The following SNX30 variants were observed in gnomAD, a reference collection of about 807,000 sequenced individuals.
SNX30 encodes the protein sorting nexin family member 30, also known as sorting nexin-30.
In SNX30, 24 loss-of-function variants were observed where a neutral mutation model predicts 46.4. That is an observed-to-expected ratio of 0.52 (90% confidence interval 0.37 to 0.73). The LOEUF (loss-of-function observed/expected upper bound fraction) is 0.73, where lower values mean the gene tolerates loss of function less well. Ranked by LOEUF, SNX30 falls within the 30% of genes least tolerant of loss-of-function variation. The pLI is 0.00. For missense variants in SNX30, 533 were observed against 555.7 expected, an observed-to-expected ratio of 0.96 and a Z score of 0.41; for synonymous variants, 189 against 211.5, an observed-to-expected ratio of 0.89 and a Z score of 0.92.
At chr9:112,883,692 TTTC>T (rs1037466407), downstream of SNX30, among the ~76,000 whole-genome samples, 3 of 115,846 alleles carry the variant, frequency 2.6e-5, no homozygotes, top group African/African-American at 9.9e-5. Context: ...TTTTTTCTTT[TTTC>T]TTTTCTTTTT....
At chr9:112,752,399 C>T (rs1374702669) in intron 1 of SNX30, among the ~76,000 whole-genome samples, 2 of 152,110 alleles carry the variant, frequency 1.3e-5, no homozygotes, top group Non-Finnish European at 2.9e-5. Flanking sequence ...GATGATTGCT[C>T]TGAACCAAAA....
chr9:112,807,253 A>T (rs1840243438), intron 2 of SNX30, among the ~76,000 whole-genome samples: 1 of 151,646 alleles, frequency 6.6e-6, no homozygotes, highest in Non-Finnish European at 1.5e-5. Flanking sequence ...TTTAGTAGAG[A>T]TGAGGTTTTA....
At chr9:112,789,137 G>C (rs934160170) in intron 1 of SNX30, among the ~76,000 whole-genome samples, 4 of 152,062 alleles carry the variant, frequency 2.6e-5, no homozygotes, top group Non-Finnish European at 5.9e-5. Flanking sequence ...CTCTTTGTTC[G>C]TGCCCTCTGG....
rs1042366837 is a variant in SNX30 at position 112,870,500 on chromosome 9, A to C, written c.*1657A>C. ...TTGTGTTTGACAATGTTGCAGTTTAAATGATAATGTTTAAATCAATTGGTA... is the reference window on the plus strand; with the variant it reads ...TTGTGTTTGACAATGTTGCAGTTTACATGATAATGTTTAAATCAATTGGTA... On this transcript the variant is annotated 3_prime_UTR_variant, in exon 9 of 9. Coordinates refer to ENST00000374232, the MANE Select transcript of SNX30 (RefSeq NM_001012994.2). 6.6e-6 allele frequency: 1 copy of C among 152,220 alleles called. No individual in the cohort carries two copies. Among genetic ancestry groups the C allele is most frequent in the Admixed American group, 6.5e-5 (1 of 15,286 alleles). The allele number at this position is 152,220 out of a possible 1,614,324, so 9.4% of individuals were successfully genotyped here.
rs1839264304 is a variant in SNX30 at position 112,750,970 on chromosome 9, G to A, written c.-32G>A. On this transcript the variant is annotated 5_prime_UTR_variant, in exon 1 of 9. Transcript: ENST00000374232. ...TCGCCGCGGCGGGCAGCAGGAGGAAGCGGCGGCGGCGCGTCCCGAGCGGTG... is the reference window on the plus strand; with the variant it reads ...TCGCCGCGGCGGGCAGCAGGAGGAAACGGCGGCGGCGCGTCCCGAGCGGTG... 5.8e-6 allele frequency: 7 copies of A among 1,213,552 alleles called. No individual in the cohort carries two copies. The South Asian group carries it at 2.0e-4, about 35-fold the overall frequency. 75.2% of individuals were successfully genotyped at this position (1,213,552 alleles called of 1,614,324 possible). A position where few individuals can be genotyped will look rare whatever the true frequency, so the allele number is the denominator to read the frequency against.
Position 112,874,403 on chromosome 9 carries a change from C to T in SNX30, c.*5560C>T, listed in dbSNP as rs1165945844. 1 of 152,124 alleles carries T rather than the reference C, an allele frequency of 6.6e-6. No homozygotes were observed. The highest frequency in any genetic ancestry group is 1.9e-4 in the East Asian group (1 of 5,200). The allele number at this position is 152,124 out of a possible 1,614,324, so 9.4% of individuals were successfully genotyped here. A position where few individuals can be genotyped will look rare whatever the true frequency, so the allele number is the denominator to read the frequency against. ...TGATATATTCCTGTGAAATAAACTG[C>T]CAGCAAACTTTCTAACTTGTATTTT... On this transcript the variant is annotated 3_prime_UTR_variant, in exon 9 of 9. Coordinates refer to ENST00000374232, the MANE Select transcript of SNX30 (RefSeq NM_001012994.2).
intron 7 of SNX30, among the ~76,000 whole-genome samples, chr9:112,855,410 C>T (rs1588139857): frequency 6.6e-6 from 1 of 152,128 alleles, no homozygotes; most frequent in Non-Finnish European, 1.5e-5. Context: ...GGGGGCTTAC[C>T]TCGTTATCAG....
At chr9:112,815,962 G>A (rs535002330) in intron 2 of SNX30, among the ~76,000 whole-genome samples, 1 of 152,298 alleles carries the variant, frequency 6.6e-6, no homozygotes, top group South Asian at 2.1e-4. Context: ...TCCTGCCTCA[G>A]CCTCTGAGTA....
intron 1 of SNX30, among the ~76,000 whole-genome samples, chr9:112,759,379 CTTGATCCTG>C (rs1000607866): frequency 2.6e-5 from 4 of 152,224 alleles, no homozygotes; most frequent in South Asian, 2.1e-4. Flanking sequence ...GTAGGTAACA[CTTGATCCTG>C]TTGTTAACCT....
intron 1 of SNX30, among the ~76,000 whole-genome samples, chr9:112,786,270 A>C (rs796754471): frequency 5.9e-5 from 9 of 152,066 alleles, no homozygotes; most frequent in African/African-American, 1.9e-4. Context: ...GCCGTGCACC[A>C]TCACGCTCTG....
chr9:112,832,480 G>A (rs1840678250), intron 4 of SNX30, among the ~76,000 whole-genome samples: 1 of 139,490 alleles, frequency 7.2e-6, no homozygotes, highest in African/African-American at 3.0e-5. Flanking sequence ...GTGTGTGTGT[G>A]TGTGTGTGTG....
Position 112,830,827 on chromosome 9 carries a change from A to G in SNX30, c.562A>G (p.Thr188Ala), listed in dbSNP as rs544068936. 3 of 1,614,156 alleles carry G rather than the reference A, an allele frequency of 1.9e-6. No homozygotes were observed. In the South Asian group the frequency reaches 3.3e-5, roughly 18 times the overall value. ...TTTGGATAAATTTCTAAAAAGAATT[A>G]CGGACCATCCTGTGCTGTCTTTCAA... Reference protein sequence around the residue: ...KALDKFLKRITDHPVLSFNEH... With the variant: ...KALDKFLKRIADHPVLSFNEH... The change falls in exon 4 of 9, where the codon ACG (threonine) becomes GCG (alanine). Residue 188 changes from threonine to alanine, a missense_variant. By Grantham distance (58) the Thr-to-Ala change is moderately conservative. This residue lies in a region of SNX30 where 81 missense variants were observed against 124.4 expected (regional missense o/e 0.65). Transcript: ENST00000374232.
chr9:112,779,549 G>A (rs1839811999), intron 1 of SNX30, among the ~76,000 whole-genome samples: 1 of 152,110 alleles, frequency 6.6e-6, no homozygotes, highest in Non-Finnish European at 1.5e-5. Flanking sequence ...ACAAAAATTA[G>A]CTAGGCATCG....
chr9:112,853,705 G>C (rs1970527), intron 7 of SNX30, among the ~76,000 whole-genome samples: 121,602 of 152,124 alleles, frequency 0.8, 48,781 homozygotes, highest in South Asian at 0.87. Flanking sequence ...GGTGGTTGCC[G>C]GGACTCAGGA....
chr9:112,844,586 T>A (rs901241988), intron 6 of SNX30, among the ~76,000 whole-genome samples: 4 of 152,210 alleles, frequency 2.6e-5, no homozygotes, highest in Non-Finnish European at 5.9e-5. Flanking sequence ...GAAGGGTTGG[T>A]GTGGCAGGAG....
intron 8 of SNX30, among the ~76,000 whole-genome samples, chr9:112,865,894 G>C (rs1841334101): frequency 1.3e-5 from 2 of 151,566 alleles, no homozygotes; most frequent in Admixed American, 1.3e-4. Context: ...TCCCTCTGCT[G>C]TTCAGCGGCC....
chr9:112,863,863 A>C (rs1841276822), intron 7 of SNX30, among the ~76,000 whole-genome samples: 1 of 152,194 alleles, frequency 6.6e-6, no homozygotes, highest in South Asian at 2.1e-4. Context: ...GGAGAATAGC[A>C]GGGCAATACA....
chr9:112,813,926 A>G (rs1222409828), intron 2 of SNX30, among the ~76,000 whole-genome samples: 2 of 152,254 alleles, frequency 1.3e-5, no homozygotes, highest in Non-Finnish European at 2.9e-5. Flanking sequence ...TGCAATGAAG[A>G]TCATTATGCA....
chr9:112,851,337 A>G (rs112707793), intron 7 of SNX30, among the ~76,000 whole-genome samples: 13 of 152,220 alleles, frequency 8.5e-5, no homozygotes, highest in East Asian at 7.7e-4. Flanking sequence ...GGAAACTTCT[A>G]TAGGAATTTG....
Sources: allele counts gnomAD v4.1 joint callset (sites outside exome capture counted in the v4.1 genomes callset), GRCh38; gene constraint gnomAD v4.1.1; regional missense constraint gnomAD v4.1.1; transcripts MANE v1.5; gene names NCBI Gene and HGNC (gene_info 2026-07-23, HGNC 2026-07-21).